EIF4G3: variants seen among roughly 807,000 people sequenced by gnomAD.
EIF4G3 encodes the protein eukaryotic translation initiation factor 4 gamma 3.
In EIF4G3, 34 loss-of-function variants were observed where a neutral mutation model predicts 186.4. The observed-to-expected ratio is 0.18, with a 90% CI of 0.14 to 0.24. EIF4G3 has a LOEUF of 0.24. Among genes scored for constraint, EIF4G3 ranks in the 10% least tolerant of loss-of-function variants. EIF4G3 has a pLI of 1.00. For synonymous variants in EIF4G3, 673 were observed against 679.5 expected, an observed-to-expected ratio of 0.99 and a Z score of 0.15; for missense variants, 1,536 against 1,948.5, an observed-to-expected ratio of 0.79 and a Z score of 3.99.
chr1:21,108,267 G>A (rs777013511), intron 2 of EIF4G3, among the ~76,000 whole-genome samples: 8 of 152,118 alleles, frequency 5.3e-5, no homozygotes, highest in Middle Eastern at 3.2e-3. Flanking sequence ...TCTAAAATAA[G>A]CTAGGTATAT....
intron 2 of EIF4G3, among the ~76,000 whole-genome samples, chr1:21,158,023 AGGTTT>A (rs2097693587): frequency 6.6e-6 from 1 of 152,138 alleles, no homozygotes; most frequent in Non-Finnish European, 1.5e-5. Context: ...GACCAACTGG[AGGTTT>A]CTCACAATTG....
intron 4 of EIF4G3, among the ~76,000 whole-genome samples, chr1:21,005,775 T>C (rs1039842452): frequency 1.6e-4 from 24 of 152,144 alleles, no homozygotes; most frequent in African/African-American, 5.5e-4. Flanking sequence ...CCAGATTATA[T>C]CATTGCTCTG....
chr1:21,153,083 A>C (rs1185255938), intron 2 of EIF4G3, among the ~76,000 whole-genome samples: 1 of 152,236 alleles, frequency 6.6e-6, no homozygotes, highest in Non-Finnish European at 1.5e-5. Context: ...AATTAGATTA[A>C]GAAACTTTCA....
intron 7 of EIF4G3, among the ~76,000 whole-genome samples, chr1:20,990,796 C>T (rs994080736): frequency 1.1e-4 from 16 of 152,184 alleles, no homozygotes; most frequent in Admixed American, 2.0e-4. Flanking sequence ...AAAAAATTCA[C>T]GACTTGCTTT....
chr1:21,031,700 A>G (rs1457179071), intron 4 of EIF4G3, among the ~76,000 whole-genome samples: 4 of 152,174 alleles, frequency 2.6e-5, no homozygotes, highest in African/African-American at 9.7e-5. Context: ...TCTACAAGCA[A>G]TCTCACCCCT....
At chr1:20,811,272 C>G (rs1472105106) in intron 35 of EIF4G3, among the ~76,000 whole-genome samples, 5 of 151,778 alleles carry the variant, frequency 3.3e-5, no homozygotes, top group Non-Finnish European at 7.4e-5. Context: ...TCTTCTTCTT[C>G]TTCTATTTTA....
intron 18 of EIF4G3, among the ~76,000 whole-genome samples, chr1:20,890,905 CATA>C (rs2085801114): frequency 6.6e-6 from 1 of 152,202 alleles, no homozygotes. Context: ...TAAGGCTTAA[CATA>C]TCAACATTAC....
chr1:20,844,437 A>C (rs1337459575), intron 29 of EIF4G3, among the ~76,000 whole-genome samples: 6 of 150,906 alleles, frequency 4.0e-5, no homozygotes, highest in Non-Finnish European at 4.4e-5. Context: ...TGTTGGCCAC[A>C]TGTATGTCTT....
chr1:20,904,427 C>A (rs1045129702), intron 15 of EIF4G3, among the ~76,000 whole-genome samples: 9 of 152,250 alleles, frequency 5.9e-5, no homozygotes, highest in African/African-American at 1.9e-4. Context: ...CTCACTGCAG[C>A]CTCCACCTCC....
At chr1:20,985,839 A>G (rs768972050) in intron 7 of EIF4G3, among the ~76,000 whole-genome samples, 103 of 152,218 alleles carry the variant, frequency 6.8e-4, no homozygotes, top group Non-Finnish European at 1.3e-3. Context: ...AAACTTCAGC[A>G]ACTTAAGATA....
intron 3 of EIF4G3, among the ~76,000 whole-genome samples, chr1:21,084,936 T>C (rs2100982478): frequency 6.6e-6 from 1 of 151,820 alleles, no homozygotes; most frequent in Non-Finnish European, 1.5e-5. Flanking sequence ...TGTTGCTCCA[T>C]TACCATATCC....
intron 15 of EIF4G3, 68 bp downstream of exon 15, chr1:20,904,815 G>A: frequency 8.4e-7 from 1 of 1,190,194 alleles, no homozygotes; most frequent in Non-Finnish European, 1.2e-6. Context: ...CAATAAATAG[G>A]TATAAACACA....
chr1:21,104,905 T>C (rs1394432710), intron 2 of EIF4G3, among the ~76,000 whole-genome samples: 2 of 152,150 alleles, frequency 1.3e-5, no homozygotes, highest in East Asian at 3.8e-4. Flanking sequence ...ATCATGTCCT[T>C]TGCAGCAACA....
At chr1:21,060,768 A>T (rs1182974574) in intron 3 of EIF4G3, among the ~76,000 whole-genome samples, 1 of 138,128 alleles carries the variant, frequency 7.2e-6, no homozygotes, top group Non-Finnish European at 1.5e-5. Flanking sequence ...ACACAGCAAG[A>T]TCCTGTCTCT....
chr1:21,132,675 A>T (rs1453265844), intron 2 of EIF4G3, among the ~76,000 whole-genome samples: 1 of 152,188 alleles, frequency 6.6e-6, no homozygotes, highest in Non-Finnish European at 1.5e-5. Context: ...CCTGGGCTCA[A>T]GCAATCCTCT....
chr1:20,973,711 A>G (rs1267602136), intron 10 of EIF4G3, among the ~76,000 whole-genome samples: 4 of 152,182 alleles, frequency 2.6e-5, no homozygotes, highest in Non-Finnish European at 5.9e-5. Context: ...TTGAATCCAC[A>G]TCTTTGTTCT....
chr1:21,135,664 C>T (rs1218019932), intron 2 of EIF4G3, among the ~76,000 whole-genome samples: 1 of 152,166 alleles, frequency 6.6e-6, no homozygotes, highest in African/African-American at 2.4e-5. Context: ...CTAGAGTCCT[C>T]ACATGTGGTC....
At chr1:20,832,535 G>A (rs1351976547) in intron 30 of EIF4G3, among the ~76,000 whole-genome samples, 4,855 of 143,566 alleles carry the variant, frequency 0.034, 106 homozygotes, top group Non-Finnish European at 0.054. Flanking sequence ...AGTAGGTTGC[G>A]AAAATTTTCT....
At chr1:21,056,005 T>C (rs554037464) in intron 3 of EIF4G3, among the ~76,000 whole-genome samples, 1 of 152,114 alleles carries the variant, frequency 6.6e-6, no homozygotes, top group Non-Finnish European at 1.5e-5. Flanking sequence ...TATTGCCCCA[T>C]AAAACACAAA....
Sources: allele counts gnomAD v4.1 joint callset (sites outside exome capture counted in the v4.1 genomes callset), GRCh38; gene constraint gnomAD v4.1.1; transcripts MANE v1.5; gene names NCBI Gene and HGNC (gene_info 2026-07-23, HGNC 2026-07-21).